Variants in KCNIP4 observed in about 807,000 individuals in gnomAD.
KCNIP4 encodes Kv channel-interacting protein 4.
Under a neutral mutation model 34.0 loss-of-function variants are expected in KCNIP4, and 12 were observed. The observed-to-expected ratio is 0.35, with a 90% CI of 0.23 to 0.57. KCNIP4 has a LOEUF of 0.57. Ranked by LOEUF, KCNIP4 falls within the 20% of genes least tolerant of loss-of-function variation. The pLI is 0.83. For missense variants in KCNIP4, 238 were observed against 311.7 expected (o/e 0.76, Z 1.78); for synonymous variants, 124 against 102.2 (o/e 1.21, Z -1.29).
intron 1 of KCNIP4, among the ~76,000 whole-genome samples, chr4:21,406,376 T>C (rs1001400962): frequency 2.6e-5 from 4 of 152,122 alleles, no homozygotes; most frequent in South Asian, 2.1e-4. Flanking sequence ...ATCAACAATA[T>C]AGGAATATTT....
At chr4:20,912,541 G>A (rs1037782586) in intron 1 of KCNIP4, among the ~76,000 whole-genome samples, 12 of 151,876 alleles carry the variant, frequency 7.9e-5, no homozygotes, top group South Asian at 4.2e-4. Context: ...ATTGAACATC[G>A]AAAAAATTTA....
chr4:21,896,165 A>G (rs142250780), intron 1 of KCNIP4, among the ~76,000 whole-genome samples: 2 of 152,302 alleles, frequency 1.3e-5, no homozygotes, highest in African/African-American at 4.8e-5. Context: ...CATCTTACAT[A>G]TGAAATTTCA....
intron 1 of KCNIP4, among the ~76,000 whole-genome samples, chr4:21,049,043 C>T (rs1164246431): frequency 2.0e-5 from 3 of 149,764 alleles, no homozygotes; most frequent in Non-Finnish European, 4.4e-5. Flanking sequence ...CTCCGCCTCC[C>T]GGGTTCACGC....
intron 1 of KCNIP4, among the ~76,000 whole-genome samples, chr4:21,915,122 G>A (rs1225264302): frequency 4.6e-5 from 7 of 152,106 alleles, no homozygotes; most frequent in South Asian, 4.2e-4. Flanking sequence ...TTTGCAAGCC[G>A]TAAGGACACT....
Position 21,411,786 on chromosome 4 carries a change from C to T in KCNIP4, c.62-529077G>A, listed in dbSNP as rs955802435. Among the ~76,000 whole-genome samples, 11 of 152,040 alleles carry T rather than the reference C, an allele frequency of 7.2e-5. No homozygotes were observed. The East Asian group carries it at 9.6e-4, about 13-fold the overall frequency. On this transcript the variant is annotated intron_variant, in intron 1 of 8. Coordinates refer to ENST00000382152, the MANE Select transcript of KCNIP4 (RefSeq NM_025221.6). The stretch of plus-strand genomic sequence containing the variant: ...CCAGGAGGTTGAGGCTGCAGTGAGC[C>T]GTGACCATGCCACTACACTCCAGCC...
intron 1 of KCNIP4, among the ~76,000 whole-genome samples, chr4:21,785,623 A>T (rs577074579): frequency 4.8e-5 from 7 of 146,464 alleles, no homozygotes; most frequent in East Asian, 2.1e-4. Context: ...ATAAAATAAA[A>T]AAATAACCAT....
chr4:21,333,136 A>T (rs1715820129), intron 1 of KCNIP4, among the ~76,000 whole-genome samples: 1 of 152,078 alleles, frequency 6.6e-6, no homozygotes, highest in African/African-American at 2.4e-5. Flanking sequence ...CCACAGAAAC[A>T]TGTAATTTTT....
At chr4:21,717,068 T>G in intron 1 of KCNIP4, among the ~76,000 whole-genome samples, 1 of 152,290 alleles carries the variant, frequency 6.6e-6, no homozygotes, top group Middle Eastern at 3.4e-3. Flanking sequence ...TTACACTCAT[T>G]ATTGTCATAG....
At chr4:21,794,039 C>T (rs1385670565) in intron 1 of KCNIP4, among the ~76,000 whole-genome samples, 2 of 152,264 alleles carry the variant, frequency 1.3e-5, no homozygotes, top group African/African-American at 4.8e-5. Flanking sequence ...AACCAAACCC[C>T]GCATGTTCTC....
chr4:21,862,937 G>C (rs1433781222), intron 1 of KCNIP4, among the ~76,000 whole-genome samples: 3 of 147,378 alleles, frequency 2.0e-5, no homozygotes, highest in African/African-American at 7.4e-5. Context: ...CTCCAGCCTG[G>C]GTGACCGAGT....
At chr4:21,476,570 A>T (rs1465627128) in intron 1 of KCNIP4, among the ~76,000 whole-genome samples, 1 of 152,212 alleles carries the variant, frequency 6.6e-6, no homozygotes, top group Non-Finnish European at 1.5e-5. Flanking sequence ...TACACCGTCC[A>T]GAACTGTGAG....
At chr4:21,816,474 C>T (rs1721995553) in intron 1 of KCNIP4, among the ~76,000 whole-genome samples, 1 of 152,072 alleles carries the variant, frequency 6.6e-6, no homozygotes, top group African/African-American at 2.4e-5. Flanking sequence ...GACTCAGGAC[C>T]ACCAGGAGAA....
At chr4:20,826,904 G>A (rs1717834438) in intron 3 of KCNIP4, among the ~76,000 whole-genome samples, 1 of 152,098 alleles carries the variant, frequency 6.6e-6, no homozygotes, top group South Asian at 2.1e-4. Flanking sequence ...CTAAAGAGAA[G>A]CCCCTTCCTC....
intron 1 of KCNIP4, among the ~76,000 whole-genome samples, chr4:21,906,743 T>C (rs1244779795): frequency 6.6e-6 from 1 of 152,178 alleles, no homozygotes; most frequent in Non-Finnish European, 1.5e-5. Context: ...TTTACACACC[T>C]ATAAAAGCTA....
intron 1 of KCNIP4, among the ~76,000 whole-genome samples, chr4:21,570,866 G>C (rs897230581): frequency 6.6e-6 from 1 of 152,072 alleles, no homozygotes; most frequent in African/African-American, 2.4e-5. Context: ...TACAGCAGCT[G>C]TTATTTTCCC....
At chr4:21,857,674 G>T (rs1724841852) in intron 1 of KCNIP4, among the ~76,000 whole-genome samples, 1 of 152,320 alleles carries the variant, frequency 6.6e-6, no homozygotes, top group East Asian at 1.9e-4. Flanking sequence ...ACTCAATAAA[G>T]CTCCTCTTTG....
At chr4:21,259,459 T>C (rs1422545526) in intron 1 of KCNIP4, among the ~76,000 whole-genome samples, 1 of 152,188 alleles carries the variant, frequency 6.6e-6, no homozygotes, top group Non-Finnish European at 1.5e-5. Flanking sequence ...TCTTTCATTA[T>C]GGTGGTTGGC....
intron 1 of KCNIP4, among the ~76,000 whole-genome samples, chr4:21,333,357 G>A (rs777835282): frequency 6.6e-6 from 1 of 151,754 alleles, no homozygotes; most frequent in Non-Finnish European, 1.5e-5. Context: ...ACAAGCAAAT[G>A]TGATAAAATA....
intron 2 of KCNIP4, among the ~76,000 whole-genome samples, chr4:20,872,773 T>C (rs1723621366): frequency 6.6e-6 from 1 of 151,976 alleles, no homozygotes; most frequent in East Asian, 1.9e-4. Flanking sequence ...AAATTAACAG[T>C]AACAAAAGTG....
Sources: allele counts gnomAD v4.1 joint callset (sites outside exome capture counted in the v4.1 genomes callset), GRCh38; gene constraint gnomAD v4.1.1; transcripts MANE v1.5; gene names NCBI Gene and HGNC (gene_info 2026-07-23, HGNC 2026-07-21).